STXBP5L: variants seen among roughly 807,000 people sequenced by gnomAD.
STXBP5L encodes the protein syntaxin binding protein 5L, also known as syntaxin-binding protein 5-like.
STXBP5L carries 65 observed loss-of-function variants against 144.5 expected under a neutral mutation model. That is an observed-to-expected ratio of 0.45 (90% CI 0.37 to 0.55). The LOEUF is 0.55. STXBP5L is among the 20% of genes least tolerant of loss of function. The pLI, the probability that STXBP5L is intolerant of heterozygous loss-of-function variation, is 0.00. For missense variants in STXBP5L, 1,298 were observed against 1,405.5 expected (o/e 0.92, Z 1.22); for synonymous variants, 505 against 469.6 (o/e 1.08, Z -0.97).
In STXBP5L at chr3:121,420,867, A is replaced by G. The variant is rs2047340562; in HGVS notation, c.*1770A>G. On this transcript the variant is annotated 3_prime_UTR_variant, in exon 27 of 27. Transcript: ENST00000471454. ...ATGTTTCTAGTGGTACAATGTTCTC[A>G]GTAATTTTGAGGAGAACAAAGATGA... 6.6e-6 allele frequency: 1 copy of G among 152,038 alleles called. No homozygotes were observed. The highest frequency in any genetic ancestry group is 1.5e-5 in the Non-Finnish European group (1 of 67,966). 9.4% of individuals were successfully genotyped at this position (152,038 alleles called of 1,614,324 possible).
chr3:121,087,668 T>A (rs1200245925), intron 5 of STXBP5L, among the ~76,000 whole-genome samples: 1 of 152,054 alleles, frequency 6.6e-6, no homozygotes, highest in Non-Finnish European at 1.5e-5. Context: ...TTAGATATAA[T>A]TATTGATATA....
At chr3:121,022,478 A>G (rs940852865) in intron 3 of STXBP5L, among the ~76,000 whole-genome samples, 1 of 152,176 alleles carries the variant, frequency 6.6e-6, no homozygotes, top group Non-Finnish European at 1.5e-5. Context: ...ATAGACTAAT[A>G]TCCCTGATTA....
At chr3:121,392,317 T>C (rs753237644) in intron 22 of STXBP5L, among the ~76,000 whole-genome samples, 13 of 152,132 alleles carry the variant, frequency 8.5e-5, no homozygotes, top group Non-Finnish European at 1.6e-4. Context: ...TAGCTTCCCT[T>C]GGCTAGGAAA....
At chr3:121,225,334 G>A (rs1433833055) in intron 11 of STXBP5L, among the ~76,000 whole-genome samples, 3 of 152,076 alleles carry the variant, frequency 2.0e-5, no homozygotes, top group Admixed American at 1.3e-4. Flanking sequence ...GTAGCTCGTG[G>A]AGAGGAGGGT....
chr3:121,199,833 C>T (rs933710107), intron 9 of STXBP5L, among the ~76,000 whole-genome samples: 2 of 151,778 alleles, frequency 1.3e-5, no homozygotes, highest in African/African-American at 2.4e-5. Flanking sequence ...GGGGTGAAGT[C>T]GACTTGATCT....
chr3:121,222,425 T>G (rs1165463664), intron 10 of STXBP5L, among the ~76,000 whole-genome samples: 1 of 152,142 alleles, frequency 6.6e-6, no homozygotes, highest in Admixed American at 6.6e-5. Flanking sequence ...AAAAGGCAAT[T>G]TATCTTTGAT....
intron 12 of STXBP5L, among the ~76,000 whole-genome samples, chr3:121,237,667 C>T (rs535000572): frequency 6.6e-6 from 1 of 152,282 alleles, no homozygotes; most frequent in South Asian, 2.1e-4. Flanking sequence ...ATTATAGATT[C>T]TTCCTTTAGG....
intron 3 of STXBP5L, among the ~76,000 whole-genome samples, chr3:121,032,048 A>C (rs775327900): frequency 6.6e-6 from 1 of 152,108 alleles, no homozygotes; most frequent in Non-Finnish European, 1.5e-5. Flanking sequence ...GAGTATTTAG[A>C]TACATTTTCT....
At chr3:121,006,172 T>A (rs1166516531) in intron 3 of STXBP5L, among the ~76,000 whole-genome samples, 7 of 151,976 alleles carry the variant, frequency 4.6e-5, no homozygotes, top group South Asian at 2.1e-4. Flanking sequence ...TCCCATTATT[T>A]TTGTGTGGGA....
chr3:121,253,792 C>T (rs905436154), intron 15 of STXBP5L, among the ~76,000 whole-genome samples: 7 of 142,356 alleles, frequency 4.9e-5, no homozygotes, highest in African/African-American at 1.6e-4. Flanking sequence ...CACCACGCCC[C>T]GCTAATTTTT....
At chr3:121,284,185 T>C (rs946840480) in intron 19 of STXBP5L, among the ~76,000 whole-genome samples, 2 of 151,978 alleles carry the variant, frequency 1.3e-5, no homozygotes, top group African/African-American at 4.8e-5. Context: ...CCTTCAGAAT[T>C]TTTTTTCAGC....
chr3:121,415,794 C>T (rs1490348175), intron 24 of STXBP5L, 63 bp from the exon 25 acceptor site: 4 of 1,160,552 alleles, frequency 3.4e-6, no homozygotes, highest in Non-Finnish European at 5.0e-6. Flanking sequence ...CACAGTGTTA[C>T]CTTTTTGTAT....
intron 3 of STXBP5L, among the ~76,000 whole-genome samples, chr3:121,006,956 G>A (rs1438463869): frequency 1.3e-5 from 2 of 152,088 alleles, no homozygotes; most frequent in South Asian, 2.1e-4. Context: ...TGGGTAACCC[G>A]ACCTTTGTCT....
chr3:121,039,800 C>T (rs1947020336), intron 3 of STXBP5L, among the ~76,000 whole-genome samples: 1 of 151,836 alleles, frequency 6.6e-6, no homozygotes, highest in Non-Finnish European at 1.5e-5. Context: ...TGACATTGAC[C>T]CACAGTTCAA....
At chr3:120,969,833 T>G (rs754218780) in intron 3 of STXBP5L, among the ~76,000 whole-genome samples, 1 of 152,082 alleles carries the variant, frequency 6.6e-6, no homozygotes, top group Non-Finnish European at 1.5e-5. Context: ...ATTTTATTAC[T>G]TGTTTTCTGG....
At chr3:120,988,656 C>T (rs1055045270) in intron 3 of STXBP5L, among the ~76,000 whole-genome samples, 2 of 151,994 alleles carry the variant, frequency 1.3e-5, no homozygotes, top group Non-Finnish European at 2.9e-5. Context: ...TATATCCTTG[C>T]TAATTTTCTT....
At chr3:121,105,566 G>C (rs116176725) in intron 5 of STXBP5L, among the ~76,000 whole-genome samples, 1 of 152,038 alleles carries the variant, frequency 6.6e-6, no homozygotes, top group African/African-American at 2.4e-5. Context: ...AGGCGTTGGC[G>C]TGGATGTGGT....
intron 10 of STXBP5L, among the ~76,000 whole-genome samples, chr3:121,221,345 G>A (rs572491844): frequency 1.3e-5 from 2 of 151,834 alleles, no homozygotes; most frequent in East Asian, 1.9e-4. Context: ...AAAAAAGCAG[G>A]GGGGGTAAAT....
At chr3:121,342,401 G>T (rs930359012) in intron 20 of STXBP5L, among the ~76,000 whole-genome samples, 4 of 151,820 alleles carry the variant, frequency 2.6e-5, no homozygotes, top group Non-Finnish European at 5.9e-5. Flanking sequence ...CAATGTGCAG[G>T]TTAGTTACAT....
Sources: gnomAD v4.1 joint callset for allele counts (sites outside exome capture counted in the v4.1 genomes callset) on GRCh38, gnomAD v4.1.1 for gene constraint, MANE v1.5 for transcripts, NCBI Gene and HGNC (gene_info 2026-07-23, HGNC 2026-07-21) for gene names.